Variants in SERPINA11 observed in about 807,000 individuals in gnomAD.
SERPINA11 encodes the protein serpin A11.
A neutral mutation model predicts 29.4 loss-of-function variants in SERPINA11; 28 were observed. The ratio of observed to expected loss-of-function variants is 0.95; its 90% CI spans 0.70 to 1.30. SERPINA11 has a LOEUF of 1.30. Among genes scored for constraint, SERPINA11 ranks in the 50% most tolerant of loss-of-function variants. SERPINA11 has a pLI of 0.00. For missense variants in SERPINA11, 530 were observed against 507.3 expected (o/e 1.04, Z -0.43); for synonymous variants, 253 against 206.6 (o/e 1.22, Z -1.92).
intron 4 of SERPINA11, 69 bp downstream of exon 4, chr14:94,443,009 C>A (rs181875237): frequency 2.5e-5 from 38 of 1,517,002 alleles, no homozygotes; most frequent in Admixed American, 1.7e-4. Context: ...TTTAAATGTC[C>A]CACATGCCAA....
intron 1 of SERPINA11, among the ~76,000 whole-genome samples, chr14:94,449,402 TTCTATTCTTTCTTTCTTTCTTTC>T (rs1898521303): frequency 3.2e-5 from 1 of 31,422 alleles, no homozygotes; most frequent in South Asian, 1.1e-3. Flanking sequence ...CTTTCTTTCT[TTCTATTCTTTCTTTCTTTCTTTC>T]TTTCTTTCTT....
chr14:94,450,891 C>A (rs1020177150), intron 1 of SERPINA11, among the ~76,000 whole-genome samples: 2 of 152,136 alleles, frequency 1.3e-5, no homozygotes, highest in African/African-American at 4.8e-5. Context: ...CCCGACCCTA[C>A]ACCCATCTTC....
rs754513043 is a variant in SERPINA11, at chr14:94,446,480, G to A, written c.768C>T (p.Asp256=). The change falls in exon 3 of 5, where the codon GAC becomes GAT. Residue 256 remains aspartate (D), a synonymous_variant. Transcript: ENST00000334708. ...HQKEMHRFLY[D]QDLACTVLQI... ...GGAGGACGGTGCAAGCCAAATCCTGGTCATAGAGGAATCTGTGCATTTCCT... is the reference window on the plus strand; with the variant it reads ...GGAGGACGGTGCAAGCCAAATCCTGATCATAGAGGAATCTGTGCATTTCCT... 5 of 1,614,176 alleles carry A rather than the reference G, an allele frequency of 3.1e-6. No homozygotes were observed. The Admixed American group carries it at 8.3e-5, about 27-fold the overall frequency.
At position 94,443,177 on chromosome 14, in the gene SERPINA11, G is replaced by T. The variant is rs1287487044; in HGVS notation, c.966C>A (p.Asn322Lys). 1.9e-6 allele frequency: 3 copies of T among 1,613,808 alleles called. No individual in the cohort carries two copies. The highest frequency in any genetic ancestry group is 2.7e-5 in the African/African-American group (2 of 74,914). The change falls in exon 4 of 5, where the codon AAC becomes AAA. Residue 322 changes from asparagine (N) to lysine (K), a missense_variant. Physicochemically the swap from Asn to Lys is moderately conservative, Grantham distance 94. Coordinates refer to ENST00000334708, the MANE Select transcript of SERPINA11 (RefSeq NM_001080451.2). ...LPRFSISGTY[N>K]LEDILPQIGL... ...CAATTTGGGGAAGTATGTCTTCCAG[G>T]TTATATGTTCCAGAAATTGAAAACC... is the stretch of plus-strand genomic sequence containing the variant.
rs1566784682 is a variant in SERPINA11, at chr14:94,449,453, CTT to C, written c.-3-678_-3-677del. On this transcript the variant is annotated intron_variant, in intron 1 of 4. Coordinates refer to ENST00000334708, the MANE Select transcript of SERPINA11 (RefSeq NM_001080451.2). ...TCTTTCTTTCTTTCTTTCTTTCTTTCTTTCTTTCTTTCTTTCTTTCTTTCTTT... is the reference window on the plus strand; with the variant it reads ...TCTTTCTTTCTTTCTTTCTTTCTTTCTCTTTCTTTCTTTCTTTCTTTCTTT... Among the ~76,000 whole-genome samples the C allele has an allele frequency of 6.5e-4, 74 of 113,918 alleles. 2 individuals carry two copies. The highest frequency in any genetic ancestry group is 2.8e-3 in the Admixed American group (32 of 11,398). The allele number at this position is 113,918 out of a possible 152,430, so 74.7% of individuals were successfully genotyped here. A position where few individuals can be genotyped will look rare whatever the true frequency, so the allele number is the denominator to read the frequency against.
At chr14:94,448,875 C>G in intron 1 of SERPINA11, 98 bp from the exon 2 acceptor site, 1 of 1,175,640 alleles carries the variant, frequency 8.5e-7, no homozygotes, top group Non-Finnish European at 1.2e-6. Flanking sequence ...ATGTGCCCCA[C>G]AGGGCTGCCA....
Position 94,442,821 on chromosome 14 carries a change from G to A in SERPINA11, c.1066-12C>T, listed in dbSNP as rs1275093587. The A allele has an allele frequency of 1.3e-6, 2 of 1,589,852 alleles. No individual in the cohort carries two copies. The highest frequency in any genetic ancestry group is 1.7e-5 in the Admixed American group (1 of 57,804). On this transcript the variant is annotated splice_polypyrimidine_tract_variant and intron_variant, in intron 4 of 4. Transcript: ENST00000334708. ...GCCTTGTGTGACACCTAGAGGACAA[G>A]AGGAGATGAAGACAGCATCAGTTTG...
rs1441504637 is a variant in SERPINA11, at chr14:94,448,146, T to A, written c.629A>T (p.Tyr210Phe). The change falls in exon 2 of 5, where the codon TAC (tyrosine) becomes TTC (phenylalanine). Residue 210 changes from tyrosine (Y) to phenylalanine (F), a missense_variant. By Grantham distance (22) the Tyr-to-Phe change is conservative. Transcript: ENST00000334708. ...GCAAGCCTCACCTTTGAAGAAGATG[T>A]AATTGGCAAGAACCATGAACGTGTC... ...SQDTFMVLANYIFFKAKWKHP... is the reference protein window; with the variant it reads ...SQDTFMVLANFIFFKAKWKHP... 1 of 1,613,312 alleles carries A rather than the reference T, an allele frequency of 6.2e-7. No individual in the cohort carries two copies. Among genetic ancestry groups the A allele is most frequent in the Admixed American group, 1.7e-5 (1 of 59,992 alleles).
intron 3 of SERPINA11, among the ~76,000 whole-genome samples, chr14:94,443,480 T>G (rs1403590096): frequency 6.6e-6 from 1 of 152,218 alleles, no homozygotes; most frequent in African/African-American, 2.4e-5. Context: ...CTTTGTCATC[T>G]TCATCACATT....
At chr14:94,444,791 C>T (rs1053113269) in intron 3 of SERPINA11, among the ~76,000 whole-genome samples, 1 of 152,082 alleles carries the variant, frequency 6.6e-6, no homozygotes, top group African/African-American at 2.4e-5. Context: ...CTAGTGCCTC[C>T]CAGGTTGTGG....
chr14:94,452,541 A>C (rs1156957854), intron 1 of SERPINA11, among the ~76,000 whole-genome samples, 188 bp downstream of exon 1: 1 of 148,650 alleles, frequency 6.7e-6, no homozygotes, highest in African/African-American at 2.5e-5. Flanking sequence ...GAGGGAGTAC[A>C]TGGTTGCATT....
chr14:94,446,181 G>T lies in SERPINA11; in HGVS notation c.917+150C>A. 4 of 765,274 alleles carry T rather than the reference G, an allele frequency of 5.2e-6. No homozygotes were observed. In the South Asian group the frequency reaches 7.1e-5, roughly 14 times the overall value. The allele number at this position is 765,274 out of a possible 1,614,324, so 47.4% of individuals were successfully genotyped here. A position where few individuals can be genotyped will look rare whatever the true frequency, so the allele number is the denominator to read the frequency against. ...GTTTTACAGTAGAGGCCCAAAAAAGGTGAGAAAATTGCCAAGATCACACAG... is the reference window on the plus strand; with the variant it reads ...GTTTTACAGTAGAGGCCCAAAAAAGTTGAGAAAATTGCCAAGATCACACAG... On this transcript the variant is annotated intron_variant, in intron 3 of 4. Transcript: ENST00000334708.
In SERPINA11 at chr14:94,448,764, G is replaced by A. The variant is rs982190032; in HGVS notation, c.11C>T (p.Ala4Val). The A allele has an allele frequency of 4.4e-5, 67 of 1,510,326 alleles. No homozygotes were observed. Among genetic ancestry groups the A allele is most frequent in the Non-Finnish European group, 5.8e-5 (66 of 1,130,464 alleles). 93.6% of individuals were successfully genotyped at this position (1,510,326 alleles called of 1,614,324 possible). A position where few individuals can be genotyped will look rare whatever the true frequency, so the allele number is the denominator to read the frequency against. ...CCCTGTTCCCAGTAGCCAAAGCCAA[G>A]CTGGACCCATTCTCTGAAAACAAGA... is the stretch of plus-strand genomic sequence containing the variant. MGP[A>V]WLWLLGTGIL... The change falls in exon 2 of 5, where the codon GCT becomes GTT. Residue 4 changes from alanine (A) to valine (V), a missense_variant. Transcript: ENST00000334708.
chr14:94,446,205 A>G (rs1045979691), intron 3 of SERPINA11, 126 bp downstream of exon 3: 1 of 922,820 alleles, frequency 1.1e-6, no homozygotes, highest in Non-Finnish European at 1.7e-6. Flanking sequence ...AAGATCACAC[A>G]GTTAGTAAAG....
At chr14:94,449,553 T>C (rs1373010231) in intron 1 of SERPINA11, among the ~76,000 whole-genome samples, 1 of 147,322 alleles carries the variant, frequency 6.8e-6, no homozygotes. Context: ...CTCTTTCTCT[T>C]TCTTTCTTTC....
chr14:94,446,806 G>C (rs12893359), intron 2 of SERPINA11, among the ~76,000 whole-genome samples: 1 of 152,044 alleles, frequency 6.6e-6, no homozygotes, highest in Non-Finnish European at 1.5e-5. Flanking sequence ...AACAGCCTAC[G>C]ATTTTGTTCC....
Position 94,443,223 on chromosome 14 carries a change from A to G in SERPINA11, c.920T>C (p.Leu307Pro). The stretch of plus-strand genomic sequence containing the variant: ...AAACCTTGGCAAGTGCAAATCCAAC[A>G]GACTGGAGAGAGAAACAGACAGAGA... ...RKWGQLLLPSLLDLHLPRFSI... is the reference protein window; with the variant it reads ...RKWGQLLLPSPLDLHLPRFSI... Residue 307 changes from leucine (L) to proline (P), a missense_variant and splice_region_variant, in exon 4 of 5, where the codon CTG (leucine) becomes CCG (proline). Physicochemically the swap from Leu to Pro is moderately conservative, Grantham distance 98 (BLOSUM62 -3). Transcript: ENST00000334708. 1 of 1,612,292 alleles carries G rather than the reference A, an allele frequency of 6.2e-7. No homozygotes were observed. The highest frequency in any genetic ancestry group is 8.5e-7 in the Non-Finnish European group (1 of 1,179,132).
intron 1 of SERPINA11, among the ~76,000 whole-genome samples, chr14:94,450,201 GAT>G (rs1186355975): frequency 6.6e-6 from 1 of 152,184 alleles, no homozygotes; most frequent in East Asian, 1.9e-4. Context: ...CTGTGGGGAT[GAT>G]GTCTGTTACG....
At chr14:94,443,976 G>T (rs935243303) in intron 3 of SERPINA11, among the ~76,000 whole-genome samples, 2 of 152,202 alleles carry the variant, frequency 1.3e-5, no homozygotes, top group Non-Finnish European at 2.9e-5. Context: ...CTGAAAGCAT[G>T]ACTAGTTCAT....
Sources: allele counts gnomAD v4.1 joint callset (sites outside exome capture counted in the v4.1 genomes callset), GRCh38; gene constraint gnomAD v4.1.1; transcripts MANE v1.5; gene names NCBI Gene and HGNC (gene_info 2026-07-23, HGNC 2026-07-21).